Variants in SLC14A2 observed in about 807,000 individuals in gnomAD.
SLC14A2 encodes the protein urea transporter 2.
A neutral mutation model predicts 104.6 loss-of-function variants in SLC14A2; 91 were observed. The observed-to-expected ratio is 0.87, with a 90% CI of 0.73 to 1.04. The LOEUF (loss-of-function observed/expected upper bound fraction) is 1.04, where lower values mean the gene tolerates loss of function less well. Among genes scored for constraint, SLC14A2 ranks in the 50% least tolerant of loss-of-function variants. The pLI is 0.00. For missense variants in SLC14A2, 1,189 were observed against 1,156.0 expected, an observed-to-expected ratio of 1.03 and a Z score of -0.41; for synonymous variants, 476 against 466.4, an observed-to-expected ratio of 1.02 and a Z score of -0.27.
At chr18:45,464,756 G>T (rs1007823991) in intron 1 of SLC14A2, among the ~76,000 whole-genome samples, 8 of 152,156 alleles carry the variant, frequency 5.3e-5, no homozygotes, top group African/African-American at 1.7e-4. Context: ...CGCATCCTGG[G>T]CACGGCACCA....
intron 1 of SLC14A2, among the ~76,000 whole-genome samples, chr18:45,258,108 TAC>T: frequency 6.6e-6 from 1 of 152,270 alleles, no homozygotes; most frequent in East Asian, 1.9e-4. Context: ...ATGAGCGAGC[TAC>T]AGTTATAACC....
rs2045359128 is a variant in SLC14A2 at position 45,632,385 on chromosome 18, G to A, written c.557G>A (p.Gly186Glu). 1.9e-6 allele frequency: 3 copies of A among 1,613,974 alleles called. No homozygotes were observed. The African/African-American group carries it at 4.0e-5, about 22-fold the overall frequency. ...AIASGLHGYN[G>E]MLVGLLMAVF... ...GCCTCAGGACTCCATGGGTACAACG[G>A]GATGCTGGTGGGACTGCTGATGGCC... The change falls in exon 5 of 20, where the codon GGG (glycine) becomes GAG (glutamate). Residue 186 changes from glycine to glutamate, a missense_variant. Gly to Glu is a moderately conservative substitution (Grantham distance 98, BLOSUM62 -2). Transcript: ENST00000255226.
intron 1 of SLC14A2, among the ~76,000 whole-genome samples, chr18:45,285,669 C>A (rs967138178): frequency 2.7e-4 from 37 of 139,620 alleles, no homozygotes; most frequent in Admixed American, 1.7e-3. Context: ...CTGCCCCCCC[C>A]CCCCCTCGGC....
upstream of SLC14A2, among the ~76,000 whole-genome samples, chr18:45,208,582 C>T (rs1358976912): frequency 6.6e-6 from 1 of 152,300 alleles, no homozygotes; most frequent in African/African-American, 2.4e-5. Flanking sequence ...TGTGTGTGCC[C>T]TGGCTAGGGA....
In SLC14A2 at chr18:45,557,205, C is replaced by T. The variant is rs532586001; in HGVS notation, c.-34-67426C>T. ...CCTCGACCAGTCACAGTTCAATAGA[C>T]ATTTGACTGCTGCAGCTTTGTAACC... is the stretch of plus-strand genomic sequence containing the variant. On this transcript the variant is annotated intron_variant, in intron 2 of 20. Coordinates refer to the SLC14A2 transcript ENST00000586448. Among the ~76,000 whole-genome samples, 5 of 152,338 alleles carry T rather than the reference C, an allele frequency of 3.3e-5. No individual in the cohort carries two copies. The South Asian group carries it at 1.0e-3, about 32-fold the overall frequency.
rs147867279 is a variant in SLC14A2 at position 45,677,184 on chromosome 18, G to A, written c.2513-1791G>A. On this transcript the variant is annotated intron_variant, in intron 18 of 19. Transcript: ENST00000255226. ...CCTATAGCCACACAGGAGCCCACAC[G>A]GGGTTTTCGGAGGGTTTTCCTGCTA... is the stretch of plus-strand genomic sequence containing the variant. Among the ~76,000 whole-genome samples, 110 of 152,300 alleles carry A rather than the reference G, an allele frequency of 7.2e-4. 1 individual carries two copies. The highest frequency in any genetic ancestry group is 1.7e-3 in the East Asian group (9 of 5,190).
At chr18:45,524,116 G>C (rs141211576) in intron 2 of SLC14A2, among the ~76,000 whole-genome samples, 2 of 152,178 alleles carry the variant, frequency 1.3e-5, no homozygotes, top group Non-Finnish European at 2.9e-5. Flanking sequence ...TAAAGCACCT[G>C]GATGGAGCCT....
At chr18:45,323,038 T>C (rs1159002723) in intron 1 of SLC14A2, among the ~76,000 whole-genome samples, 1 of 152,194 alleles carries the variant, frequency 6.6e-6, no homozygotes. Flanking sequence ...CAAACAAAAA[T>C]ACTACCTGGC....
At chr18:45,556,451 C>A (rs1287856097) in intron 2 of SLC14A2, among the ~76,000 whole-genome samples, 2 of 152,120 alleles carry the variant, frequency 1.3e-5, no homozygotes. Flanking sequence ...ACAAGTCTTC[C>A]TTTATGCCTT....
chr18:45,259,064 C>T (rs949842767), intron 1 of SLC14A2, among the ~76,000 whole-genome samples: 1 of 152,214 alleles, frequency 6.6e-6, no homozygotes, highest in Non-Finnish European at 1.5e-5. Context: ...ACACTGCCTT[C>T]TAACCCCTAC....
chr18:45,453,198 G>T lies in SLC14A2; in HGVS notation c.-124-30035G>T, dbSNP rs551058650. Among the ~76,000 whole-genome samples the T allele has an allele frequency of 2.0e-5, 3 of 152,218 alleles. No homozygotes were observed. In the East Asian group the frequency reaches 5.8e-4, roughly 29 times the overall value. On this transcript the variant is annotated intron_variant, in intron 1 of 20. Coordinates refer to the SLC14A2 transcript ENST00000586448. ...GGGAAGCCCAGCCCTCAAATTCCAA[G>T]GTCCCACTAGCTGTCCCCAAAACTC...
intron 2 of SLC14A2, among the ~76,000 whole-genome samples, chr18:45,573,155 A>G (rs923930010): frequency 6.6e-6 from 1 of 152,220 alleles, no homozygotes. Context: ...ATTGATTCAC[A>G]AATTTTAGCA....
chr18:45,671,758 A>T (rs907397184), intron 16 of SLC14A2, among the ~76,000 whole-genome samples: 1 of 152,166 alleles, frequency 6.6e-6, no homozygotes, highest in African/African-American at 2.4e-5. Context: ...GGCCACGCGC[A>T]GAGGGAAGAG....
At chr18:45,451,808 T>C (rs927712641) in intron 1 of SLC14A2, among the ~76,000 whole-genome samples, 2 of 152,142 alleles carry the variant, frequency 1.3e-5, no homozygotes, top group African/African-American at 4.8e-5. Flanking sequence ...AGAATTATGG[T>C]TCAGCAACAA....
At chr18:45,655,213 G>A (rs2045812532) in intron 10 of SLC14A2, among the ~76,000 whole-genome samples, 2 of 152,184 alleles carry the variant, frequency 1.3e-5, no homozygotes, top group Admixed American at 1.3e-4. Context: ...GATGTGTCTG[G>A]AAGACAAATA....
intron 1 of SLC14A2, among the ~76,000 whole-genome samples, chr18:45,305,166 A>G (rs372921999): frequency 1.3e-5 from 2 of 152,232 alleles, no homozygotes; most frequent in East Asian, 1.9e-4. Flanking sequence ...AGCAAGGTCT[A>G]GGTGAGAGGT....
At chr18:45,565,402 A>C (rs2044252798) in intron 2 of SLC14A2, among the ~76,000 whole-genome samples, 1 of 152,026 alleles carries the variant, frequency 6.6e-6, no homozygotes, top group African/African-American at 2.4e-5. Context: ...CTGGGATTAC[A>C]GGCATGAGCC....
At chr18:45,433,706 A>C (rs1458559300) in intron 1 of SLC14A2, among the ~76,000 whole-genome samples, 1 of 152,244 alleles carries the variant, frequency 6.6e-6, no homozygotes, top group Non-Finnish European at 1.5e-5. Flanking sequence ...CATTTAAGTT[A>C]ATTGGATTCA....
At chr18:45,652,315 G>A (rs1384857432) in intron 10 of SLC14A2, among the ~76,000 whole-genome samples, 1 of 152,164 alleles carries the variant, frequency 6.6e-6, no homozygotes, top group African/African-American at 2.4e-5. Context: ...GAATACACAG[G>A]GAGCCCTTCT....
Sources: gnomAD v4.1 joint callset for allele counts (sites outside exome capture counted in the v4.1 genomes callset) on GRCh38, gnomAD v4.1.1 for gene constraint, MANE v1.5 for transcripts, NCBI Gene and HGNC (gene_info 2026-07-23, HGNC 2026-07-21) for gene names.